Variants in PDE6C observed in about 807,000 individuals in gnomAD.
PDE6C encodes cone cGMP-specific 3',5'-cyclic phosphodiesterase subunit alpha'.
Under a neutral mutation model 113.1 loss-of-function variants are expected in PDE6C, and 75 were observed. That is an observed-to-expected ratio of 0.66 (90% CI 0.55 to 0.80). The LOEUF is 0.80. PDE6C is among the 30% of genes least tolerant of loss of function. PDE6C has a pLI of 0.00. For missense variants in PDE6C, 912 were observed against 1,038.6 expected (o/e 0.88, Z 1.67); for synonymous variants, 375 against 363.7 (o/e 1.03, Z -0.35).
At chr10:93,637,301 G>C (rs1468736922) in intron 11 of PDE6C, among the ~76,000 whole-genome samples, 2 of 152,014 alleles carry the variant, frequency 1.3e-5, no homozygotes, top group Non-Finnish European at 2.9e-5. Context: ...AGGTAGCCTA[G>C]ACTACTGCTT....
intron 15 of PDE6C, among the ~76,000 whole-genome samples, chr10:93,651,945 T>G (rs1210028479): frequency 2.6e-5 from 4 of 152,146 alleles, no homozygotes; most frequent in African/African-American, 9.6e-5. Context: ...CTTGCTCTAA[T>G]TAAAGAATCA....
intron 11 of PDE6C, among the ~76,000 whole-genome samples, chr10:93,637,794 C>A (rs1436293355): frequency 6.6e-6 from 1 of 152,084 alleles, no homozygotes; most frequent in Non-Finnish European, 1.5e-5. Context: ...AGATCTGATT[C>A]TACTGTTTAT....
chr10:93,635,742 T>C, intron 10 of PDE6C, 102 bp downstream of exon 10: 3 of 1,242,046 alleles, frequency 2.4e-6, no homozygotes, highest in South Asian at 1.2e-5. Flanking sequence ...AATGGTTTAC[T>C]CCTGGGCTGA....
chr10:93,644,127 A>G (rs983326711), intron 14 of PDE6C, among the ~76,000 whole-genome samples: 2 of 152,154 alleles, frequency 1.3e-5, no homozygotes, highest in Non-Finnish European at 2.9e-5. Context: ...CAGACTAAAC[A>G]TTTTTTTGGC....
chr10:93,619,472 G>A (rs2058435054), intron 1 of PDE6C, among the ~76,000 whole-genome samples: 1 of 152,044 alleles, frequency 6.6e-6, no homozygotes, highest in Non-Finnish European at 1.5e-5. Flanking sequence ...TGTTGCCCAG[G>A]CTGGAGTACA....
intron 18 of PDE6C, 75 bp from the exon 19 acceptor site, chr10:93,661,984 T>TGTCAC: frequency 2.2e-6 from 2 of 893,336 alleles, no homozygotes; most frequent in Non-Finnish European, 3.8e-6. Context: ...GATCCTTAAA[T>TGTCAC]GTCACTTGTA....
At position 93,640,235 on chromosome 10, in the gene PDE6C, TA is replaced by T; in HGVS notation, c.1629+23del. 1 of 1,603,950 alleles carries T rather than the reference TA, an allele frequency of 6.2e-7. No homozygotes were observed. Among genetic ancestry groups the T allele is most frequent in the Non-Finnish European group, 8.5e-7 (1 of 1,170,732 alleles). On this transcript the variant is annotated intron_variant, in intron 12 of 21. Transcript: ENST00000371447. ...TGTAGAGGTCAGAGGGTATTTAATT[TA>T]AAATACTGTGTGATTCTGTGGCTCT...
At chr10:93,642,459 C>T (rs1001699925) in intron 14 of PDE6C, among the ~76,000 whole-genome samples, 1 of 152,174 alleles carries the variant, frequency 6.6e-6, no homozygotes, top group Non-Finnish European at 1.5e-5. Context: ...TTGCTCATGG[C>T]CAGCCCAGTT....
At chr10:93,653,643 CA>C (rs960055790) in intron 15 of PDE6C, among the ~76,000 whole-genome samples, 13 of 136,006 alleles carry the variant, frequency 9.6e-5, no homozygotes, top group South Asian at 2.2e-4. Context: ...GACTCCATCT[CA>C]AAAAAAAACA....
chr10:93,636,368 T>TGTGTGTGTGTGTGTGTG (rs373109205), intron 10 of PDE6C, among the ~76,000 whole-genome samples: 3 of 141,256 alleles, frequency 2.1e-5, no homozygotes, highest in Non-Finnish European at 4.5e-5. Flanking sequence ...TTCCCTGGCT[T>TGTGTGTGTGTGTGTGTG]TGTGTGTGTG....
intron 1 of PDE6C, among the ~76,000 whole-genome samples, chr10:93,619,572 G>A (rs1564795702): frequency 6.6e-6 from 1 of 152,128 alleles, no homozygotes; most frequent in Admixed American, 6.5e-5. Context: ...GATTACAGGG[G>A]CGTGCCACCA....
intron 21 of PDE6C, 101 bp from the exon 22 acceptor site, chr10:93,665,259 A>C: frequency 1.1e-6 from 1 of 898,554 alleles, no homozygotes; most frequent in Non-Finnish European, 1.9e-6. Context: ...TAAAATGACT[A>C]ATTAGTCTAC....
intron 15 of PDE6C, among the ~76,000 whole-genome samples, chr10:93,655,553 A>C (rs1276014060): frequency 1.4e-5 from 2 of 148,030 alleles, no homozygotes; most frequent in Non-Finnish European, 1.5e-5. Flanking sequence ...AAATTATCTT[A>C]CTTAAAGTAT....
chr10:93,630,641 G>A (rs950636086), intron 8 of PDE6C, among the ~76,000 whole-genome samples: 2 of 152,084 alleles, frequency 1.3e-5, no homozygotes, highest in African/African-American at 4.8e-5. Context: ...CCTCCCCGGT[G>A]GGTACCGTTG....
chr10:93,654,788 TTCTTTC>T (rs2058626725), intron 15 of PDE6C, among the ~76,000 whole-genome samples: 1 of 101,348 alleles, frequency 9.9e-6, no homozygotes, highest in African/African-American at 3.2e-5. Context: ...CTTTCTTTCT[TTCTTTC>T]TTTCTTTCTT....
intron 15 of PDE6C, among the ~76,000 whole-genome samples, chr10:93,653,966 C>G (rs2058621277): frequency 1.3e-5 from 2 of 152,128 alleles, no homozygotes; most frequent in South Asian, 4.1e-4. Flanking sequence ...CCAATTATTG[C>G]TTTCTAATAT....
intron 14 of PDE6C, among the ~76,000 whole-genome samples, chr10:93,645,098 T>C (rs1039587951): frequency 6.6e-5 from 10 of 151,996 alleles, no homozygotes; most frequent in Admixed American, 4.6e-4. Context: ...TCTCAGAAGA[T>C]AGAAAGCAGT....
intron 15 of PDE6C, 149 bp from the exon 16 acceptor site, chr10:93,655,609 CCA>C: frequency 8.7e-6 from 4 of 462,428 alleles, no homozygotes; most frequent in Non-Finnish European, 1.1e-5. Flanking sequence ...TAAAAGCAAG[CCA>C]AAAAAAAAAA....
At chr10:93,618,312 T>C (rs1231576145) in intron 1 of PDE6C, among the ~76,000 whole-genome samples, 1 of 152,190 alleles carries the variant, frequency 6.6e-6, no homozygotes. Flanking sequence ...GCTCAGCCTA[T>C]ACTATGTTAT....
Sources: gnomAD v4.1 joint callset for allele counts (sites outside exome capture counted in the v4.1 genomes callset) on GRCh38, gnomAD v4.1.1 for gene constraint, MANE v1.5 for transcripts, NCBI Gene and HGNC (gene_info 2026-07-23, HGNC 2026-07-21) for gene names.